The following ANO10 variants were observed in gnomAD, a reference collection of about 807,000 sequenced individuals.
ANO10 encodes the protein anoctamin-10.
In ANO10, 77 loss-of-function variants were observed where a neutral mutation model predicts 74.7. The observed-to-expected ratio is 1.03, with a 90% CI of 0.86 to 1.25. The LOEUF is 1.25. Ranked by LOEUF, ANO10 falls within the 50% of genes most tolerant of loss-of-function variation. ANO10 has a pLI of 0.00. For synonymous variants in ANO10, 279 were observed against 284.9 expected (o/e 0.98, Z 0.21); for missense variants, 721 against 778.1 (o/e 0.93, Z 0.87).
At chr3:43,557,734 C>CAAA (rs893586520) in intron 9 of ANO10, among the ~76,000 whole-genome samples, 17 of 43,112 alleles carry the variant, frequency 3.9e-4, no homozygotes, top group South Asian at 7.9e-4. Context: ...GACTCTGTCT[C>CAAA]AAAAAAAAAA....
At chr3:43,379,265 G>A (rs558319608) in intron 12 of ANO10, among the ~76,000 whole-genome samples, 12 of 152,230 alleles carry the variant, frequency 7.9e-5, no homozygotes, top group African/African-American at 2.2e-4. Flanking sequence ...TATTTTAGTC[G>A]GGTACTGTTA....
chr3:43,379,319 A>G (rs2125692175), intron 12 of ANO10, among the ~76,000 whole-genome samples: 1 of 152,350 alleles, frequency 6.6e-6, no homozygotes, highest in African/African-American at 2.4e-5. Flanking sequence ...TTTTATTAAA[A>G]ATATTGAATG....
In ANO10 at chr3:43,607,300, A is replaced by T. The variant is rs376183559; in HGVS notation, c.-11-1437T>A. On this transcript the variant is annotated intron_variant, in intron 1 of 12. Transcript: ENST00000292246. The stretch of plus-strand genomic sequence containing the variant: ...GAGGATCACTTGAGCCCAGGAGTTC[A>T]AGACCAGCCTGGGCAACATAGCAAG... Among the ~76,000 whole-genome samples the T allele has an allele frequency of 2.8e-4, 42 of 151,862 alleles. No homozygotes were observed. In the East Asian group the frequency reaches 6.4e-3, roughly 23 times the overall value.
At chr3:43,461,723 C>A (rs1008532613) in intron 11 of ANO10, among the ~76,000 whole-genome samples, 1 of 152,184 alleles carries the variant, frequency 6.6e-6, no homozygotes, top group Non-Finnish European at 1.5e-5. Flanking sequence ...AACTGTAAGT[C>A]CAATTAAGCC....
intron 11 of ANO10, chr3:43,484,850 G>A (rs1437039798): frequency 5.5e-6 from 3 of 550,104 alleles, no homozygotes; most frequent in Non-Finnish European, 9.6e-6. Flanking sequence ...TCATGGAGGC[G>A]GGGCTGTGTT....
chr3:43,476,584 C>T (rs928690718), intron 11 of ANO10, among the ~76,000 whole-genome samples: 2 of 152,204 alleles, frequency 1.3e-5, no homozygotes, highest in African/African-American at 4.8e-5. Flanking sequence ...ACTTCCCTGC[C>T]AGCTCCCTGT....
chr3:43,512,411 C>T (rs1440964598), intron 11 of ANO10, among the ~76,000 whole-genome samples: 5 of 152,120 alleles, frequency 3.3e-5, no homozygotes, highest in African/African-American at 1.2e-4. Flanking sequence ...TAATGACTTA[C>T]GCTTCATAAC....
At chr3:43,643,753 G>A (rs926681645) in intron 1 of ANO10, among the ~76,000 whole-genome samples, 4 of 146,486 alleles carry the variant, frequency 2.7e-5, no homozygotes, top group Non-Finnish European at 3.0e-5. Context: ...GCGCAATCTC[G>A]GCTCACTGCA....
At chr3:43,543,678 C>A (rs1428287233) in intron 11 of ANO10, among the ~76,000 whole-genome samples, 1 of 152,176 alleles carries the variant, frequency 6.6e-6, no homozygotes, top group Non-Finnish European at 1.5e-5. Context: ...TGAGCTACTG[C>A]GCCCGGCCTC....
chr3:43,684,642 T>C (rs980998450), intron 1 of ANO10, among the ~76,000 whole-genome samples: 1 of 152,214 alleles, frequency 6.6e-6, no homozygotes, highest in African/African-American at 2.4e-5. Flanking sequence ...GTATGTTTAT[T>C]GTGGCACTAT....
Position 43,366,565 on chromosome 3 carries a change from G to A in ANO10, c.*341C>T. On this transcript the variant is annotated 3_prime_UTR_variant, in exon 13 of 13. Transcript: ENST00000292246. The stretch of plus-strand genomic sequence containing the variant: ...CCATGGTGGGGTTGGGAGTGACACT[G>A]CTATGAGGGGAACGTGGAGAGCTGG... 1 of 414,124 alleles carries A rather than the reference G, an allele frequency of 2.4e-6. No individual in the cohort carries two copies. Among genetic ancestry groups the A allele is most frequent in the Non-Finnish European group, 4.6e-6 (1 of 218,828 alleles). The allele number at this position is 414,124 out of a possible 1,614,324, so 25.7% of individuals were successfully genotyped here. A position where few individuals can be genotyped will look rare whatever the true frequency, so the allele number is the denominator to read the frequency against.
chr3:43,466,265 G>A (rs2075608401), intron 11 of ANO10, among the ~76,000 whole-genome samples: 1 of 151,398 alleles, frequency 6.6e-6, no homozygotes, highest in African/African-American at 2.4e-5. Context: ...CAGCTACTCG[G>A]GAGGCTGAGG....
At chr3:43,489,466 G>A (rs1370577151) in intron 11 of ANO10, among the ~76,000 whole-genome samples, 1 of 152,064 alleles carries the variant, frequency 6.6e-6, no homozygotes, top group South Asian at 2.1e-4. Flanking sequence ...CCATGTACAC[G>A]TTAAATAAAT....
chr3:43,652,200 A>G (rs954882298), intron 1 of ANO10, among the ~76,000 whole-genome samples: 12 of 152,136 alleles, frequency 7.9e-5, no homozygotes, highest in African/African-American at 2.9e-4. Flanking sequence ...CTATTTTGAA[A>G]AAGAAGAACA....
chr3:43,627,231 C>G (rs1352126958), intron 1 of ANO10, among the ~76,000 whole-genome samples: 2 of 152,236 alleles, frequency 1.3e-5, no homozygotes, highest in East Asian at 3.8e-4. Flanking sequence ...GTACAGAAAA[C>G]AGAAATCACT....
intron 12 of ANO10, among the ~76,000 whole-genome samples, chr3:43,396,363 G>C (rs972418246): frequency 6.6e-5 from 10 of 151,584 alleles, no homozygotes; most frequent in Non-Finnish European, 1.3e-4. Flanking sequence ...TTTTGAGATG[G>C]AGTCTCGCTC....
intron 11 of ANO10, among the ~76,000 whole-genome samples, chr3:43,473,525 T>C (rs979194032): frequency 3.3e-5 from 5 of 152,206 alleles, no homozygotes; most frequent in Non-Finnish European, 7.3e-5. Context: ...CTGTCATTAT[T>C]TGTTATCTGT....
chr3:43,563,823 G>A (rs1011864901), intron 8 of ANO10, among the ~76,000 whole-genome samples: 6 of 152,084 alleles, frequency 3.9e-5, no homozygotes, highest in African/African-American at 1.4e-4. Context: ...AGATAGAGTG[G>A]GACGACGGTT....
chr3:43,478,073 C>A (rs2076140915), intron 11 of ANO10, among the ~76,000 whole-genome samples: 1 of 152,150 alleles, frequency 6.6e-6, no homozygotes, highest in Non-Finnish European at 1.5e-5. Context: ...CTCACAACAG[C>A]CCTATGAGGC....
Sources: allele counts gnomAD v4.1 joint callset (sites outside exome capture counted in the v4.1 genomes callset), GRCh38; gene constraint gnomAD v4.1.1; transcripts MANE v1.5; gene names NCBI Gene and HGNC (gene_info 2026-07-23, HGNC 2026-07-21).